Variants in LRRC7 observed in about 807,000 individuals in gnomAD.
LRRC7 encodes leucine-rich repeat-containing protein 7.
Under a neutral mutation model 175.7 loss-of-function variants are expected in LRRC7, and 23 were observed. The observed-to-expected ratio is 0.13, with a 90% CI of 0.09 to 0.19. The LOEUF (loss-of-function observed/expected upper bound fraction) is 0.19. Ranked by LOEUF, LRRC7 falls within the 10% of genes least tolerant of loss-of-function variation. LRRC7 has a pLI of 1.00. For missense variants in LRRC7, 1,354 were observed against 1,904.7 expected (o/e 0.71, Z 5.38); for synonymous variants, 685 against 680.9 (o/e 1.01, Z -0.09).
rs983422136 is a variant in LRRC7 at position 70,131,275 on chromosome 1, A to T, written c.*9388A>T. ...GATCCTTCCCCTGAAGGGACAAAAA[A>T]TGGAATCCAGCCCCTTAAAACAAAA... On this transcript the variant is annotated 3_prime_UTR_variant, in exon 27 of 27. Transcript: ENST00000651989. 6.6e-6 allele frequency among the ~76,000 whole-genome samples: 1 copy of T among 152,200 alleles called. No homozygotes were observed.
At chr1:69,877,629 A>C (rs1686161552) in intron 7 of LRRC7, among the ~76,000 whole-genome samples, 1 of 152,148 alleles carries the variant, frequency 6.6e-6, no homozygotes, top group Admixed American at 6.6e-5. Flanking sequence ...CCAAGTGCCC[A>C]AGTTCTTCCT....
intron 7 of LRRC7, among the ~76,000 whole-genome samples, chr1:69,924,262 C>T (rs1384299430): frequency 6.6e-6 from 1 of 152,002 alleles, no homozygotes; most frequent in Non-Finnish European, 1.5e-5. Flanking sequence ...GTTCTTTTGG[C>T]TTAGGATTGC....
intron 2 of LRRC7, among the ~76,000 whole-genome samples, chr1:69,688,044 C>G (rs868403692): frequency 2.0e-5 from 3 of 152,194 alleles, no homozygotes; most frequent in African/African-American, 4.8e-5. Context: ...TTTTAACTAC[C>G]TCTTCTTTTG....
intron 7 of LRRC7, among the ~76,000 whole-genome samples, chr1:69,927,366 T>C (rs1647114817): frequency 6.6e-6 from 1 of 152,212 alleles, no homozygotes; most frequent in Non-Finnish European, 1.5e-5. Flanking sequence ...CCTTGCTAGA[T>C]TGGGGAAGTT....
chr1:70,073,676 A>G (rs1662558860), intron 23 of LRRC7, among the ~76,000 whole-genome samples: 1 of 152,214 alleles, frequency 6.6e-6, no homozygotes, highest in Non-Finnish European at 1.5e-5. Flanking sequence ...TTGCTTATCT[A>G]TATGATCACT....
intron 23 of LRRC7, among the ~76,000 whole-genome samples, chr1:70,061,546 G>T (rs1176482941): frequency 6.6e-6 from 1 of 152,116 alleles, no homozygotes; most frequent in African/African-American, 2.4e-5. Flanking sequence ...TGAGTTCAGT[G>T]AAAGGCCAGA....
At chr1:70,086,871 T>A (rs1663650158) in intron 24 of LRRC7, among the ~76,000 whole-genome samples, 1 of 152,226 alleles carries the variant, frequency 6.6e-6, no homozygotes, top group Non-Finnish European at 1.5e-5. Context: ...AGTTTCAGAC[T>A]GCTTCCTGGA....
At chr1:69,805,853 G>T (rs1268885668) in intron 4 of LRRC7, among the ~76,000 whole-genome samples, 1 of 151,874 alleles carries the variant, frequency 6.6e-6, no homozygotes, top group Non-Finnish European at 1.5e-5. Context: ...TTCCATGGGA[G>T]ATAAAACTTA....
chr1:70,078,552 T>A (rs1662952394), intron 24 of LRRC7, among the ~76,000 whole-genome samples: 1 of 152,178 alleles, frequency 6.6e-6, no homozygotes, highest in South Asian at 2.1e-4. Flanking sequence ...TTCATCTCTT[T>A]TTCTTTTTCT....
intron 4 of LRRC7, among the ~76,000 whole-genome samples, chr1:69,810,914 T>C (rs555310317): frequency 5.0e-4 from 76 of 152,240 alleles, no homozygotes; most frequent in African/African-American, 1.7e-3. Context: ...AAAGCCAAAA[T>C]TGACAACTGG....
chr1:69,732,326 GA>G (rs1424640550), intron 2 of LRRC7, among the ~76,000 whole-genome samples: 2 of 151,792 alleles, frequency 1.3e-5, no homozygotes, highest in African/African-American at 4.8e-5. Context: ...ACAATCTAAT[GA>G]AAAATAGGGA....
intron 1 of LRRC7, among the ~76,000 whole-genome samples, chr1:69,576,419 A>G (rs558206068): frequency 4.6e-5 from 7 of 152,258 alleles, no homozygotes; most frequent in African/African-American, 1.4e-4. Context: ...TTGCAGGTAA[A>G]TTTAAGGCAA....
In LRRC7 at chr1:69,800,474, A is replaced by G. The variant is rs1445855267; in HGVS notation, c.421+8314A>G. On this transcript the variant is annotated intron_variant, in intron 4 of 26. Transcript: ENST00000651989. Reference sequence around the variant, plus strand: ...ATATTCCACCTCCATGGTTAAATAGATCCCAAGGCATTTTATTCATTTGCA... The same window carrying G: ...ATATTCCACCTCCATGGTTAAATAGGTCCCAAGGCATTTTATTCATTTGCA... Among the ~76,000 whole-genome samples, 3 of 151,954 alleles carry G rather than the reference A, an allele frequency of 2.0e-5. No homozygotes were observed. In the East Asian group the frequency reaches 5.8e-4, roughly 29 times the overall value.
intron 11 of LRRC7, among the ~76,000 whole-genome samples, chr1:70,004,632 T>C (rs934913868): frequency 5.9e-5 from 9 of 152,084 alleles, no homozygotes; most frequent in Non-Finnish European, 1.0e-4. Context: ...CTAGCTGCAG[T>C]TGGGTGTCTA....
intron 1 of LRRC7, among the ~76,000 whole-genome samples, chr1:69,623,708 G>A (rs1282484401): frequency 5.3e-5 from 8 of 151,950 alleles, no homozygotes; most frequent in African/African-American, 1.7e-4. Context: ...GCACCAGCAC[G>A]CCCGGCTAAT....
intron 7 of LRRC7, among the ~76,000 whole-genome samples, chr1:69,907,650 G>A (rs1646365158): frequency 1.3e-5 from 2 of 152,136 alleles, no homozygotes; most frequent in Admixed American, 6.5e-5. Context: ...ATGTGCTGCT[G>A]GATTCGATTT....
chr1:70,081,393 A>T (rs994909065), intron 24 of LRRC7, among the ~76,000 whole-genome samples: 1 of 152,244 alleles, frequency 6.6e-6, no homozygotes, highest in South Asian at 2.1e-4. Context: ...AAGGAAAAAC[A>T]TCAGCATGAT....
chr1:69,897,602 C>T (rs565101563), intron 7 of LRRC7, among the ~76,000 whole-genome samples: 3 of 152,168 alleles, frequency 2.0e-5, no homozygotes, highest in South Asian at 2.1e-4. Context: ...ATTTGTTGAA[C>T]GAATGCATGA....
intron 5 of LRRC7, among the ~76,000 whole-genome samples, chr1:69,827,058 C>T (rs1170820713): frequency 6.6e-6 from 1 of 151,954 alleles, no homozygotes; most frequent in Non-Finnish European, 1.5e-5. Context: ...AGTTTTTCTT[C>T]CTGAAAAGTA....
Sources: gnomAD v4.1 joint callset for allele counts (sites outside exome capture counted in the v4.1 genomes callset) on GRCh38, gnomAD v4.1.1 for gene constraint, MANE v1.5 for transcripts, NCBI Gene and HGNC (gene_info 2026-07-23, HGNC 2026-07-21) for gene names.